The following TAFA1 variants were observed in gnomAD, a reference collection of about 807,000 sequenced individuals.
TAFA1 encodes chemokine-like protein TAFA-1.
In TAFA1, 4 loss-of-function variants were observed where a neutral mutation model predicts 18.5. The observed-to-expected ratio is 0.22, with a 90% confidence interval of 0.11 to 0.49. The LOEUF is 0.49. Ranked by LOEUF, TAFA1 falls within the 20% of genes least tolerant of loss-of-function variation. The probability of loss-of-function intolerance (pLI) is 0.98; values close to 1 mark genes in which losing one functional copy is unlikely to be tolerated. For missense variants in TAFA1, 147 were observed against 169.0 expected (o/e 0.87, Z 0.72); for synonymous variants, 56 against 55.2 (o/e 1.01, Z -0.06).
At chr3:68,364,957 G>A (rs2069538219) in intron 2 of TAFA1, among the ~76,000 whole-genome samples, 1 of 152,166 alleles carries the variant, frequency 6.6e-6, no homozygotes, top group African/African-American at 2.4e-5. Context: ...TGTGTTTGCA[G>A]AATCTCCACT....
chr3:68,354,002 G>A (rs1038768920), intron 2 of TAFA1, among the ~76,000 whole-genome samples: 1 of 152,120 alleles, frequency 6.6e-6, no homozygotes, highest in East Asian at 1.9e-4. Flanking sequence ...GATTGGATTA[G>A]AGATTACATA....
At chr3:68,498,722 CTTTTTTTTTTTTTTTTTTTTT>C (rs34030223) in intron 3 of TAFA1, among the ~76,000 whole-genome samples, 1 of 97,028 alleles carries the variant, frequency 1.0e-5, no homozygotes, top group Admixed American at 1.1e-4. Context: ...CGTTTGGTGG[CTTTTTTTTTTTTTTTTTTTTT>C]TTTTTTTTTT....
chr3:68,088,699 A>T (rs1173958939), intron 2 of TAFA1, among the ~76,000 whole-genome samples: 4 of 152,222 alleles, frequency 2.6e-5, no homozygotes, highest in African/African-American at 9.7e-5. Context: ...AAAACAACAA[A>T]TACAATGAGA....
chr3:68,504,510 T>C (rs558098707), intron 3 of TAFA1, among the ~76,000 whole-genome samples: 1 of 152,298 alleles, frequency 6.6e-6, no homozygotes, highest in South Asian at 2.1e-4. Context: ...GAGCTTTAAA[T>C]TGATTTGATT....
At chr3:68,402,945 A>G (rs1473975900) in intron 2 of TAFA1, among the ~76,000 whole-genome samples, 1 of 152,228 alleles carries the variant, frequency 6.6e-6, no homozygotes, top group Non-Finnish European at 1.5e-5. Flanking sequence ...ATCATCTTAA[A>G]GAATAATACA....
intron 2 of TAFA1, among the ~76,000 whole-genome samples, chr3:68,051,301 A>G (rs368752540): frequency 1.3e-3 from 197 of 152,262 alleles, no homozygotes; most frequent in African/African-American, 4.4e-3. Context: ...ATTCTATTGG[A>G]GAAAAGACAA....
chr3:68,015,600 T>C (rs1704554929), intron 2 of TAFA1, among the ~76,000 whole-genome samples: 1 of 152,196 alleles, frequency 6.6e-6, no homozygotes, highest in Non-Finnish European at 1.5e-5. Flanking sequence ...ATTTTCTTCT[T>C]GATTATGGTT....
At chr3:67,996,629 T>C in the TAFA1 span, among the ~76,000 whole-genome samples, 5 of 151,880 alleles carry the variant, frequency 3.3e-5, no homozygotes, top group African/African-American at 4.8e-5. Flanking sequence ...TGAAACCCCA[T>C]CTCTACTAAA....
intron 2 of TAFA1, among the ~76,000 whole-genome samples, chr3:68,109,039 A>T (rs2065235448): frequency 6.6e-6 from 1 of 152,118 alleles, no homozygotes; most frequent in Admixed American, 6.6e-5. Flanking sequence ...GCATATAATG[A>T]AGCTCTAAAT....
At position 68,053,631 on chromosome 3, in the gene TAFA1, G is replaced by T. The variant is rs746380815; in HGVS notation, c.118+46887G>T. On this transcript the variant is annotated intron_variant, in intron 2 of 4. Coordinates refer to ENST00000478136, the MANE Select transcript of TAFA1 (RefSeq NM_213609.4). Reference sequence around the variant, plus strand: ...TGTGGGATGTAGAGACACTCAAACGGCAAATTAAGCTTCCAGCAAAGCAGA... The same window carrying T: ...TGTGGGATGTAGAGACACTCAAACGTCAAATTAAGCTTCCAGCAAAGCAGA... 4.9e-4 allele frequency among the ~76,000 whole-genome samples: 75 copies of T among 152,084 alleles called. 1 individual carries two copies. The highest frequency in any genetic ancestry group is 7.2e-4 in the Non-Finnish European group (49 of 68,008).
intron 3 of TAFA1, among the ~76,000 whole-genome samples, chr3:68,421,579 TTTCTAACC>T (rs1310438564): frequency 1.4e-3 from 215 of 152,302 alleles, no homozygotes; most frequent in South Asian, 0.011. Context: ...TGACATTTGC[TTTCTAACC>T]TCAGCTTCCT....
chr3:68,235,530 T>G (rs991302731), intron 2 of TAFA1, among the ~76,000 whole-genome samples: 1 of 152,210 alleles, frequency 6.6e-6, no homozygotes, highest in Non-Finnish European at 1.5e-5. Context: ...AAATAACAGC[T>G]TCTGGGAATG....
chr3:68,502,643 T>C (rs2072677362), intron 3 of TAFA1, among the ~76,000 whole-genome samples: 1 of 151,896 alleles, frequency 6.6e-6, no homozygotes, highest in African/African-American at 2.4e-5. Flanking sequence ...TGCTTGCCTA[T>C]TCCCCCCTGA....
chr3:68,529,761 C>A (rs953724339), intron 3 of TAFA1, among the ~76,000 whole-genome samples: 7 of 152,106 alleles, frequency 4.6e-5, no homozygotes, highest in African/African-American at 1.7e-4. Context: ...CTCGTGGGAA[C>A]TAAGAGGGTG....
intron 2 of TAFA1, among the ~76,000 whole-genome samples, chr3:68,396,883 T>A (rs961192276): frequency 1.3e-5 from 2 of 152,214 alleles, no homozygotes; most frequent in South Asian, 2.1e-4. Context: ...AGAACATTTT[T>A]AAATGAATTT....
intron 2 of TAFA1, among the ~76,000 whole-genome samples, chr3:68,376,498 C>A (rs986742214): frequency 6.6e-6 from 1 of 152,064 alleles, no homozygotes; most frequent in African/African-American, 2.4e-5. Flanking sequence ...TAAGTGAGAA[C>A]ATTCAGTATC....
At chr3:68,025,122 A>G (rs936171696) in intron 2 of TAFA1, among the ~76,000 whole-genome samples, 22 of 152,174 alleles carry the variant, frequency 1.4e-4, no homozygotes, top group African/African-American at 5.3e-4. Context: ...ATTGCAGTGA[A>G]TAGCAGCTCC....
At chr3:68,093,244 GTA>G (rs2065048399) in intron 2 of TAFA1, among the ~76,000 whole-genome samples, 1 of 152,070 alleles carries the variant, frequency 6.6e-6, no homozygotes, top group Non-Finnish European at 1.5e-5. Flanking sequence ...GCCTCTTTCT[GTA>G]TATGTCTCTC....
chr3:68,129,188 A>G (rs1367888496), intron 2 of TAFA1, among the ~76,000 whole-genome samples: 1 of 152,172 alleles, frequency 6.6e-6, no homozygotes, highest in Non-Finnish European at 1.5e-5. Context: ...AGAGAGGTTA[A>G]GCAGTTTGCC....
Sources: gnomAD v4.1 joint callset for allele counts (sites outside exome capture counted in the v4.1 genomes callset) on GRCh38, gnomAD v4.1.1 for gene constraint, MANE v1.5 for transcripts, NCBI Gene and HGNC (gene_info 2026-07-23, HGNC 2026-07-21) for gene names.